Variants in BCL2L13 observed in about 807,000 individuals in gnomAD.
The protein encoded by BCL2L13 is BCL2 like 13, also known as bcl-2-like protein 13.
A neutral mutation model predicts 25.8 loss-of-function variants in BCL2L13; 13 were observed. The ratio of observed to expected loss-of-function variants is 0.50; its 90% CI spans 0.33 to 0.80. BCL2L13 has a LOEUF of 0.80. BCL2L13 is among the 30% of genes least tolerant of loss of function. The pLI, the probability that BCL2L13 is intolerant of heterozygous loss-of-function variation, is 0.02. For missense variants in BCL2L13, 504 were observed against 574.9 expected, an observed-to-expected ratio of 0.88 and a Z score of 1.26; for synonymous variants, 244 against 230.3, an observed-to-expected ratio of 1.06 and a Z score of -0.54.
intron 1 of BCL2L13, among the ~76,000 whole-genome samples, chr22:17,651,762 C>G (rs577142914): frequency 6.6e-6 from 1 of 152,136 alleles, no homozygotes; most frequent in South Asian, 2.1e-4. Flanking sequence ...GCGATCTCGG[C>G]TCACTGCAAG....
intron 1 of BCL2L13, among the ~76,000 whole-genome samples, chr22:17,648,741 A>C (rs1439990872): frequency 6.6e-6 from 1 of 152,124 alleles, no homozygotes; most frequent in African/African-American, 2.4e-5. Context: ...GATGAAATTC[A>C]TGATTAAGAT....
intron 2 of BCL2L13, among the ~76,000 whole-genome samples, chr22:17,674,360 A>G (rs1300046620): frequency 6.6e-6 from 1 of 152,138 alleles, no homozygotes; most frequent in Non-Finnish European, 1.5e-5. Flanking sequence ...TGGCTTACGC[A>G]CTTTGGGAGG....
chr22:17,727,884 A>AC lies in BCL2L13; in HGVS notation c.*355dup. 3.6e-6 allele frequency: 1 copy of AC among 276,972 alleles called. No homozygotes were observed. The highest frequency in any genetic ancestry group is 7.4e-5 in the South Asian group (1 of 13,468). 17.2% of individuals were successfully genotyped at this position (276,972 alleles called of 1,614,324 possible). A position where few individuals can be genotyped will look rare whatever the true frequency, so the allele number is the denominator to read the frequency against. On this transcript the variant is annotated 3_prime_UTR_variant, in exon 7 of 7. Coordinates refer to ENST00000317582, the MANE Select transcript of BCL2L13 (RefSeq NM_015367.4). ...GCTCCACCCACTAGATGCCAGTGGC[A>AC]CCCCCTCCCAGAGATGACAAACGAA...
intron 4 of BCL2L13, among the ~76,000 whole-genome samples, chr22:17,691,440 AT>A (rs2060100771): frequency 6.6e-6 from 1 of 152,062 alleles, no homozygotes; most frequent in Non-Finnish European, 1.5e-5. Flanking sequence ...AGGTCAGGAG[AT>A]TGAGACCATC....
chr22:17,698,246 C>G (rs375174880), intron 5 of BCL2L13, among the ~76,000 whole-genome samples: 2 of 152,114 alleles, frequency 1.3e-5, no homozygotes, highest in African/African-American at 4.8e-5. Flanking sequence ...TCCCAAGTAG[C>G]TGGGCTTGCA....
chr22:17,670,076 T>C lies in BCL2L13; in HGVS notation c.122-13138T>C, dbSNP rs146746504. On this transcript the variant is annotated intron_variant, in intron 2 of 6. Coordinates refer to ENST00000317582, the MANE Select transcript of BCL2L13 (RefSeq NM_015367.4). ...ACCTTTCTCAAAAATCAATTGACCA[T>C]ATATGTATGGATTTATTTTTCCCTT... 1.4e-4 allele frequency among the ~76,000 whole-genome samples: 22 copies of C among 152,290 alleles called. No individual in the cohort carries two copies. The East Asian group carries it at 4.2e-3, about 29-fold the overall frequency.
In BCL2L13 at chr22:17,726,624, A is replaced by G. The variant is rs537302822; in HGVS notation, c.601-53A>G. The G allele has an allele frequency of 7.0e-5, 108 of 1,551,700 alleles. No homozygotes were observed. In the African/African-American group the frequency reaches 1.3e-3, roughly 19 times the overall value. ...GAATTTGCTTTCCAGATTGATGTTTATGTTTTAAATAGTTACCATTCTTTA... is the reference window on the plus strand; with the variant it reads ...GAATTTGCTTTCCAGATTGATGTTTGTGTTTTAAATAGTTACCATTCTTTA... On this transcript the variant is annotated intron_variant, in intron 6 of 6. Coordinates refer to ENST00000317582, the MANE Select transcript of BCL2L13 (RefSeq NM_015367.4).
intron 1 of BCL2L13, among the ~76,000 whole-genome samples, chr22:17,653,071 AAG>A (rs911410890): frequency 7.2e-5 from 11 of 152,106 alleles, no homozygotes; most frequent in Non-Finnish European, 1.5e-5. Flanking sequence ...TCTCAAAAAA[AAG>A]AGAAAAAACA....
At chr22:17,717,159 C>G (rs901486766) in intron 6 of BCL2L13, among the ~76,000 whole-genome samples, 1 of 152,030 alleles carries the variant, frequency 6.6e-6, no homozygotes, top group Non-Finnish European at 1.5e-5. Context: ...TGCTGGTTTT[C>G]TCTTTCATTC....
chr22:17,630,511 C>A (rs1214488201), intron 1 of BCL2L13, among the ~76,000 whole-genome samples: 1 of 151,642 alleles, frequency 6.6e-6, no homozygotes, highest in Non-Finnish European at 1.5e-5. Flanking sequence ...AACTGCTGAC[C>A]TCGTGATCCA....
intron 2 of BCL2L13, among the ~76,000 whole-genome samples, chr22:17,680,734 A>G (rs1267296452): frequency 1.3e-5 from 2 of 151,948 alleles, no homozygotes; most frequent in African/African-American, 2.4e-5. Context: ...GTGCTAACAC[A>G]TGATCAGAAA....
upstream of BCL2L13, among the ~76,000 whole-genome samples, chr22:17,637,472 T>G (rs1464667823): frequency 5.4e-5 from 8 of 148,882 alleles, no homozygotes; most frequent in Non-Finnish European, 8.9e-5. Flanking sequence ...CCTCCCAGGC[T>G]CAAGCGATTC....
chr22:17,662,997 G>A (rs1212942246), intron 2 of BCL2L13, among the ~76,000 whole-genome samples: 1 of 151,896 alleles, frequency 6.6e-6, no homozygotes, highest in Non-Finnish European at 1.5e-5. Context: ...TCAGCTTCCT[G>A]AGTAGCTGGA....
At chr22:17,629,784 A>G (rs940979334) in intron 1 of BCL2L13, among the ~76,000 whole-genome samples, 3 of 151,572 alleles carry the variant, frequency 2.0e-5, no homozygotes, top group African/African-American at 7.3e-5. Flanking sequence ...AATTGTTAAC[A>G]TTTTGCTACA....
At position 17,667,866 on chromosome 22, in the gene BCL2L13, A is replaced by G. The variant is rs1356906114; in HGVS notation, c.121+12034A>G. Reference sequence around the variant, plus strand: ...TTCTTATCAGATACATGATTGCTAGATATTTTCATTCATGCTATAGTTTGT... The same window carrying G: ...TTCTTATCAGATACATGATTGCTAGGTATTTTCATTCATGCTATAGTTTGT... On this transcript the variant is annotated intron_variant, in intron 2 of 6. Transcript: ENST00000317582. Among the ~76,000 whole-genome samples the G allele has an allele frequency of 2.6e-4, 39 of 151,526 alleles. 1 individual carries two copies. The highest frequency in any genetic ancestry group is 2.6e-3 in the Admixed American group (39 of 15,182).
At chr22:17,667,205 C>A (rs527330744) in intron 2 of BCL2L13, among the ~76,000 whole-genome samples, 2 of 152,070 alleles carry the variant, frequency 1.3e-5, no homozygotes, top group African/African-American at 4.8e-5. Context: ...GTTTCCCCCC[C>A]AACCCCACCA....
At chr22:17,684,788 G>A (rs191423511) in intron 3 of BCL2L13, 77 of 346,008 alleles carry the variant, frequency 2.2e-4, no homozygotes, top group Middle Eastern at 2.1e-3. Context: ...GCTGGAGTGC[G>A]GTGGCGGGAT....
chr22:17,648,363 A>T (rs1345767282), intron 1 of BCL2L13, among the ~76,000 whole-genome samples: 1 of 151,992 alleles, frequency 6.6e-6, no homozygotes, highest in Non-Finnish European at 1.5e-5. Flanking sequence ...ATAGTCCTGA[A>T]GGAGCTGCTG....
chr22:17,640,749 C>CT (rs1323759990), intron 1 of BCL2L13, among the ~76,000 whole-genome samples: 1 of 151,062 alleles, frequency 6.6e-6, no homozygotes, highest in African/African-American at 2.4e-5. Flanking sequence ...ACTTGGAAGA[C>CT]TGAGGCGAGA....
Sources: allele counts gnomAD v4.1 joint callset (sites outside exome capture counted in the v4.1 genomes callset), GRCh38; gene constraint gnomAD v4.1.1; transcripts MANE v1.5; gene names NCBI Gene and HGNC (gene_info 2026-07-23, HGNC 2026-07-21).